The following RHOJ variants were observed in gnomAD, a reference collection of about 807,000 sequenced individuals.
RHOJ encodes the protein rho-related GTP-binding protein RhoJ.
A neutral mutation model predicts 23.4 loss-of-function variants in RHOJ; 11 were observed. The observed-to-expected ratio is 0.47, with a 90% confidence interval of 0.30 to 0.78. The LOEUF is 0.78. Among genes scored for constraint, RHOJ ranks in the 30% least tolerant of loss-of-function variants. RHOJ has a pLI of 0.08. For synonymous variants in RHOJ, 102 were observed against 102.7 expected (o/e 0.99, Z 0.04); for missense variants, 254 against 273.4 (o/e 0.93, Z 0.50).
intron 1 of RHOJ, among the ~76,000 whole-genome samples, chr14:63,207,863 TAGAAC>T (rs1341232683): frequency 2.0e-5 from 3 of 152,172 alleles, no homozygotes. Flanking sequence ...GTAAAGTTCT[TAGAAC>T]AGTGCCTCAT....
chr14:63,258,462 A>G (rs1193634886), intron 1 of RHOJ, among the ~76,000 whole-genome samples: 2 of 151,552 alleles, frequency 1.3e-5, no homozygotes, highest in South Asian at 2.1e-4. Context: ...ATATATATAT[A>G]TATAGTATTA....
At chr14:63,288,523 C>A (rs112091809) in intron 4 of RHOJ, among the ~76,000 whole-genome samples, 78 of 152,362 alleles carry the variant, frequency 5.1e-4, no homozygotes, top group African/African-American at 1.7e-3. Flanking sequence ...GTGCTTTTCA[C>A]ATGTGTTTGA....
Position 63,274,023 on chromosome 14 carries a change from C to A in RHOJ, c.237+4855C>A, listed in dbSNP as rs1001337346. Among the ~76,000 whole-genome samples the A allele has an allele frequency of 5.3e-5, 8 of 152,218 alleles. No homozygotes were observed. The East Asian group carries it at 1.3e-3, about 26-fold the overall frequency. On this transcript the variant is annotated intron_variant, in intron 2 of 4. Transcript: ENST00000316754. ...CGAGCCCCTCACTCGCCCAGGGCTG[C>A]TTGTTGCACATCTCCCCCAGGCCCT...
intron 3 of RHOJ, among the ~76,000 whole-genome samples, chr14:63,282,015 C>G (rs903470100): frequency 2.0e-5 from 3 of 152,118 alleles, no homozygotes; most frequent in Admixed American, 2.0e-4. Flanking sequence ...GACAGGTACA[C>G]AGTAGATGTA....
intron 1 of RHOJ, among the ~76,000 whole-genome samples, chr14:63,238,225 T>C (rs929169304): frequency 1.3e-5 from 2 of 152,206 alleles, no homozygotes; most frequent in African/African-American, 4.8e-5. Context: ...TCCTGTGTTT[T>C]GTTTGCTTGT....
rs547689362 is a variant in RHOJ, at chr14:63,281,246, A to G, written c.402+111A>G. ...AACGCTATGGAAGTGTGTCTCAGAC[A>G]TGTCAATCCTATGAACAGAAGTTCT... On this transcript the variant is annotated intron_variant, in intron 3 of 4. Coordinates refer to ENST00000316754, the MANE Select transcript of RHOJ (RefSeq NM_020663.5). 134 of 1,037,890 alleles carry G rather than the reference A, an allele frequency of 1.3e-4. No individual in the cohort carries two copies. The African/African-American group carries it at 1.9e-3, about 15-fold the overall frequency. 64.3% of individuals were successfully genotyped at this position (1,037,890 alleles called of 1,614,324 possible).
chr14:63,204,760 T>G lies in RHOJ; in HGVS notation c.-110T>G, dbSNP rs1343926253. 5.5e-6 allele frequency: 6 copies of G among 1,100,554 alleles called. No individual in the cohort carries two copies. Among genetic ancestry groups the G allele is most frequent in the Non-Finnish European group, 6.7e-6 (5 of 750,440 alleles). 68.2% of individuals were successfully genotyped at this position (1,100,554 alleles called of 1,614,324 possible). Reference sequence around the variant, plus strand: ...TCTGTATGATCCAAGGTACCCAAAGTCAGACAGAGTAAACTCAAGCCTGGC... The same window carrying G: ...TCTGTATGATCCAAGGTACCCAAAGGCAGACAGAGTAAACTCAAGCCTGGC... On this transcript the variant is annotated 5_prime_UTR_variant, in exon 1 of 5. Coordinates refer to ENST00000316754, the MANE Select transcript of RHOJ (RefSeq NM_020663.5).
intron 4 of RHOJ, chr14:63,284,457 C>G (rs1882016413): frequency 9.6e-6 from 6 of 624,536 alleles, no homozygotes; most frequent in Non-Finnish European, 1.2e-5. Flanking sequence ...TTGGTCTCAG[C>G]TTACAGATGA....
intron 2 of RHOJ, among the ~76,000 whole-genome samples, chr14:63,269,760 C>A (rs1382639767): frequency 6.6e-6 from 1 of 152,238 alleles, no homozygotes; most frequent in Admixed American, 6.5e-5. Flanking sequence ...TTTGTCAGGA[C>A]TGTTTCTTCA....
At chr14:63,223,796 G>A (rs544404824) in intron 1 of RHOJ, among the ~76,000 whole-genome samples, 82 of 152,128 alleles carry the variant, frequency 5.4e-4, no homozygotes, top group Non-Finnish European at 9.6e-4. Flanking sequence ...CAACCTCATC[G>A]TTAAAAGATG....
At chr14:63,260,855 T>TA (rs1555347632) in intron 1 of RHOJ, among the ~76,000 whole-genome samples, 5,470 of 151,954 alleles carry the variant, frequency 0.036, 328 homozygotes, top group African/African-American at 0.12. Flanking sequence ...TTTTTTTTTT[T>TA]ACCATAATTA....
chr14:63,287,541 C>G (rs1882118363), intron 4 of RHOJ, among the ~76,000 whole-genome samples: 1 of 152,004 alleles, frequency 6.6e-6, no homozygotes, highest in Non-Finnish European at 1.5e-5. Context: ...TTGTCCTGCC[C>G]CAACTAGAAC....
intron 1 of RHOJ, among the ~76,000 whole-genome samples, chr14:63,256,527 A>G (rs1435050429): frequency 6.6e-6 from 1 of 152,082 alleles, no homozygotes; most frequent in African/African-American, 2.4e-5. Context: ...GCTCACCCCA[A>G]TCATACTCAC....
intron 4 of RHOJ, among the ~76,000 whole-genome samples, chr14:63,288,566 A>C (rs1183832625): frequency 1.3e-5 from 2 of 152,274 alleles, no homozygotes; most frequent in African/African-American, 4.8e-5. Context: ...AAAATGCAAT[A>C]GAAGGCATTT....
At chr14:63,238,338 A>C (rs1038774856) in intron 1 of RHOJ, among the ~76,000 whole-genome samples, 1 of 152,248 alleles carries the variant, frequency 6.6e-6, no homozygotes, top group African/African-American at 2.4e-5. Flanking sequence ...TTGAAGCAAC[A>C]GTCATCATCA....
intron 1 of RHOJ, among the ~76,000 whole-genome samples, chr14:63,254,561 C>T (rs1244314214): frequency 4.6e-5 from 7 of 152,066 alleles, no homozygotes; most frequent in African/African-American, 1.7e-4. Context: ...GTTCACAGTC[C>T]AGTCAGCTAT....
rs140022417 is a variant in RHOJ at position 63,208,209 on chromosome 14, G to A, written c.178+3162G>A. On this transcript the variant is annotated intron_variant, in intron 1 of 4. Transcript: ENST00000316754. ...GTTTATTTTTGCAGGAAAAATCAAC[G>A]ACCAGCTACAAAAAACAATTTTTAA... Among the ~76,000 whole-genome samples the A allele has an allele frequency of 6.6e-5, 10 of 152,144 alleles. No homozygotes were observed. The East Asian group carries it at 1.2e-3, about 18-fold the overall frequency.
chr14:63,230,268 T>G (rs1894666828), intron 1 of RHOJ, among the ~76,000 whole-genome samples: 1 of 152,168 alleles, frequency 6.6e-6, no homozygotes, highest in Admixed American at 6.5e-5. Flanking sequence ...CACACCTACT[T>G]CAGTAGTGGA....
At chr14:63,250,532 G>A (rs540868067) in intron 1 of RHOJ, among the ~76,000 whole-genome samples, 2 of 152,232 alleles carry the variant, frequency 1.3e-5, no homozygotes, top group East Asian at 1.9e-4. Context: ...GAGCTACTGC[G>A]CCTGGCCTCA....
Sources: allele counts gnomAD v4.1 joint callset (sites outside exome capture counted in the v4.1 genomes callset), GRCh38; gene constraint gnomAD v4.1.1; transcripts MANE v1.5; gene names NCBI Gene and HGNC (gene_info 2026-07-23, HGNC 2026-07-21).